CLCN4: variants seen among roughly 807,000 people sequenced by gnomAD.
CLCN4 encodes the protein Cl-/H+ antiporter 4.
Under a neutral mutation model 41.7 loss-of-function variants are expected in CLCN4, and 1 was observed. That is an observed-to-expected ratio of 0.02 (90% CI 0.01 to 0.11). CLCN4 has a LOEUF of 0.11. Among genes scored for constraint, CLCN4 ranks in the 10% least tolerant of loss-of-function variants. CLCN4 has a pLI of 1.00. For synonymous variants in CLCN4, 277 were observed against 285.8 expected, an observed-to-expected ratio of 0.97 and a Z score of 0.31; for missense variants, 287 against 661.0, an observed-to-expected ratio of 0.43 and a Z score of 6.20.
At chrX:10,216,918 T>TATATATATACACACAGAC (rs773265490) in intron 11 of CLCN4, among the ~76,000 whole-genome samples, 1 of 38,931 alleles carries the variant, frequency 2.6e-5, no homozygotes, top group Non-Finnish European at 4.2e-5. Context: ...TATATATATA[T>TATATATATACACACAGAC]ACACACACAC....
intron 6 of CLCN4, among the ~76,000 whole-genome samples, chrX:10,206,006 A>G (rs950720294): frequency 9.0e-6 from 1 of 110,693 alleles, no homozygotes; most frequent in Non-Finnish European, 1.9e-5. Context: ...GATATATTTC[A>G]GAGTCAAAAG....
At chrX:10,166,665 C>T (rs944442880) in intron 2 of CLCN4, among the ~76,000 whole-genome samples, 6 of 112,039 alleles carry the variant, frequency 5.4e-5, no homozygotes, top group Admixed American at 1.9e-4. Flanking sequence ...CTGAGGGAGG[C>T]GGTACTTCAT....
Position 10,237,508 on chromosome X carries a change from T to G in CLCN4, c.*3924T>G, listed in dbSNP as rs1925279579. On this transcript the variant is annotated 3_prime_UTR_variant, in exon 13 of 13. Coordinates refer to ENST00000380833, the MANE Select transcript of CLCN4 (RefSeq NM_001830.4). Reference sequence around the variant, plus strand: ...CTACGTGCGACTTTGATGAGATATATTCACATTTGGTGTTGGAACGACCAC... The same window carrying G: ...CTACGTGCGACTTTGATGAGATATAGTCACATTTGGTGTTGGAACGACCAC... The G allele has an allele frequency of 2.7e-5, 3 of 110,100 alleles. No individual in the cohort carries two copies. In the Admixed American group the frequency reaches 3.0e-4, roughly 11 times the overall value. The allele number at this position is 110,100 out of a possible 1,213,427, so 9.1% of individuals were successfully genotyped here.
At chrX:10,162,013 CTTTT>C (rs34007951) in intron 2 of CLCN4, among the ~76,000 whole-genome samples, 2 of 61,532 alleles carry the variant, frequency 3.3e-5, no homozygotes, top group African/African-American at 6.6e-5. Flanking sequence ...CCAGTTGAGT[CTTTT>C]TTTTTTTTTT....
In CLCN4 at chrX:10,220,713, C is replaced by T; in HGVS notation, c.2028C>T (p.Phe676=). 2 of 1,211,395 alleles carry T rather than the reference C, an allele frequency of 1.7e-6. No homozygotes were observed. The highest frequency in any genetic ancestry group is 2.2e-6 in the Non-Finnish European group (2 of 895,380). ...TTGTGAGCAATTCCATCATGTACTT[C>T]ACGGAGGAACCCCCCGAGCTGCCGG... is the stretch of plus-strand genomic sequence containing the variant. ...EGIVSNSIMY[F]TEEPPELPAN... is the part of the protein sequence containing the mutation. Residue 676 remains phenylalanine, a synonymous_variant, in exon 12 of 13, where the codon TTC becomes TTT. Coordinates refer to ENST00000380833, the MANE Select transcript of CLCN4 (RefSeq NM_001830.4).
chrX:10,188,921 T>C (rs772540405), intron 4 of CLCN4, among the ~76,000 whole-genome samples: 2 of 112,245 alleles, frequency 1.8e-5, no homozygotes, highest in Non-Finnish European at 3.8e-5. Context: ...CTAAGAGGAA[T>C]GCTCAGAGGG....
At chrX:10,205,511 A>G (rs1374120906) in intron 6 of CLCN4, among the ~76,000 whole-genome samples, 1 of 107,480 alleles carries the variant, frequency 9.3e-6, no homozygotes, top group Non-Finnish European at 1.9e-5. Context: ...CAGAATGGTC[A>G]GGTGATGTTC....
At position 10,234,471 on chromosome X, in the gene CLCN4, A is replaced by G. The variant is rs1018956314; in HGVS notation, c.*887A>G. 6 of 113,031 alleles carry G rather than the reference A, an allele frequency of 5.3e-5. No homozygotes were observed. The highest frequency in any genetic ancestry group is 1.9e-4 in the African/African-American group (6 of 31,011). The allele number at this position is 113,031 out of a possible 1,213,427, so 9.3% of individuals were successfully genotyped here. A position where few individuals can be genotyped will look rare whatever the true frequency, so the allele number is the denominator to read the frequency against. ...AGCACTTCCATGGGCCATAGCCGGTATGCCCCCAGCCTGCCATAAGCGTGC... is the reference window on the plus strand; with the variant it reads ...AGCACTTCCATGGGCCATAGCCGGTGTGCCCCCAGCCTGCCATAAGCGTGC... On this transcript the variant is annotated 3_prime_UTR_variant, in exon 13 of 13. Transcript: ENST00000380833.
rs760315418 is a variant in CLCN4 at position 10,191,692 on chromosome X, A to ATTTTTTTTTTTTTTTTTTTTTTTTTT, written c.245-3216_245-3191dup. 1.0e-4 allele frequency among the ~76,000 whole-genome samples: 5 copies of ATTTTTTTTTTTTTTTTTTTTTTTTTT among 49,770 alleles called. 1 individual carries two copies. Among genetic ancestry groups the ATTTTTTTTTTTTTTTTTTTTTTTTTT allele is most frequent in the Admixed American group, 3.5e-4 (1 of 2,891 alleles). The allele number at this position is 49,770 out of a possible 115,157, so 43.2% of individuals were successfully genotyped here. A position where few individuals can be genotyped will look rare whatever the true frequency, so the allele number is the denominator to read the frequency against. On this transcript the variant is annotated intron_variant, in intron 4 of 12. Transcript: ENST00000380833. ...AGGCGCGTGCCACCATATCTGGTTA[A>ATTTTTTTTTTTTTTTTTTTTTTTTTT]TTTTTTTTTTTTTTTTTTTTTTTTT...
rs762718758 is a variant in CLCN4, at chrX:10,234,703, C to T, written c.*1119C>T. On this transcript the variant is annotated 3_prime_UTR_variant, in exon 13 of 13. Transcript: ENST00000380833. ...TCTTCTCTGTAGGATGCAAAACATCCAGTTGTAATGTATAAGCATGCACTT... is the reference window on the plus strand; with the variant it reads ...TCTTCTCTGTAGGATGCAAAACATCTAGTTGTAATGTATAAGCATGCACTT... 1.8e-5 allele frequency: 2 copies of T among 112,470 alleles called. No individual in the cohort carries two copies. Among genetic ancestry groups the T allele is most frequent in the East Asian group, 5.6e-4 (2 of 3,588 alleles). 9.3% of individuals were successfully genotyped at this position (112,470 alleles called of 1,213,427 possible). A position where few individuals can be genotyped will look rare whatever the true frequency, so the allele number is the denominator to read the frequency against.
chrX:10,213,454 T>C (rs910710080), intron 10 of CLCN4, among the ~76,000 whole-genome samples: 6 of 112,045 alleles, frequency 5.4e-5, no homozygotes, highest in South Asian at 3.7e-4. Context: ...GGATCCGTCA[T>C]TGGAGCAGAG....
intron 5 of CLCN4, 138 bp downstream of exon 5, chrX:10,195,236 A>T: frequency 1.8e-6 from 1 of 566,481 alleles, no homozygotes; most frequent in Non-Finnish European, 2.8e-6. Context: ...ACACTAGATG[A>T]CGGGCTTTTT....
intron 10 of CLCN4, 70 bp downstream of exon 10, chrX:10,212,723 A>G: frequency 1.0e-6 from 1 of 982,653 alleles, no homozygotes; most frequent in Non-Finnish European, 1.4e-6. Context: ...CCAAGAAGGA[A>G]GACATGGACT....
At chrX:10,189,908 A>G (rs1033899164) in intron 4 of CLCN4, among the ~76,000 whole-genome samples, 1 of 112,265 alleles carries the variant, frequency 8.9e-6, no homozygotes, top group African/African-American at 3.2e-5. Context: ...ATGAATAATG[A>G]TGAAACTTGG....
intron 2 of CLCN4, among the ~76,000 whole-genome samples, chrX:10,165,086 G>T (rs1429736277): frequency 1.8e-5 from 2 of 112,858 alleles, no homozygotes; most frequent in African/African-American, 6.4e-5. Flanking sequence ...GCGCTTCTGC[G>T]GGATGCAGTG....
rs752295778 is a variant in CLCN4, at chrX:10,220,768, C to T, written c.2083C>T (p.Arg695Cys). ...CAGCCCACATCCCCTGAAGCTGCGG[C>T]GCATCCTGAACCTCAGCCCGTTTAC... Reference protein sequence around the residue: ...ANSPHPLKLRRILNLSPFTVT... With the variant: ...ANSPHPLKLRCILNLSPFTVT... Residue 695 changes from arginine to cysteine, a missense_variant, in exon 12 of 13, where the codon CGC becomes TGC. Physicochemically the swap from Arg to Cys is radical, Grantham distance 180 (BLOSUM62 -3). Coordinates refer to ENST00000380833, the MANE Select transcript of CLCN4 (RefSeq NM_001830.4). 6 of 1,211,062 alleles carry T rather than the reference C, an allele frequency of 5.0e-6. No homozygotes were observed. The highest frequency in any genetic ancestry group is 3.5e-5 in the South Asian group (2 of 56,984).
intron 4 of CLCN4, among the ~76,000 whole-genome samples, chrX:10,190,781 T>G (rs994177664): frequency 8.9e-6 from 1 of 112,280 alleles, no homozygotes; most frequent in Non-Finnish European, 1.9e-5. Flanking sequence ...CAATCTTATG[T>G]GTCCATTTTA....
At chrX:10,202,696 C>T (rs1924272087) in intron 6 of CLCN4, among the ~76,000 whole-genome samples, 1 of 97,699 alleles carries the variant, frequency 1.0e-5, no homozygotes, top group Non-Finnish European at 2.0e-5. Flanking sequence ...TTTTGTTGCA[C>T]GTGGGACTTG....
In CLCN4 at chrX:10,212,664, G is replaced by C. The variant is rs776635142; in HGVS notation, c.1576+11G>C. On this transcript the variant is annotated intron_variant, in intron 10 of 12. Transcript: ENST00000380833. Reference sequence around the variant, plus strand: ...CTGCGGCCTGCCTCGGTACGACCATGGGTGGGGCAGGGAGGGGGACCGGGG... The same window carrying C: ...CTGCGGCCTGCCTCGGTACGACCATCGGTGGGGCAGGGAGGGGGACCGGGG... 3 of 1,192,484 alleles carry C rather than the reference G, an allele frequency of 2.5e-6. No homozygotes were observed. The highest frequency in any genetic ancestry group is 3.0e-5 in the East Asian group (1 of 33,432).
Sources: gnomAD v4.1 joint callset for allele counts (sites outside exome capture counted in the v4.1 genomes callset) on GRCh38, gnomAD v4.1.1 for gene constraint, MANE v1.5 for transcripts, NCBI Gene and HGNC (gene_info 2026-07-23, HGNC 2026-07-21) for gene names.